The following CACNA1B variants were observed in gnomAD, a reference collection of about 807,000 sequenced individuals.
CACNA1B encodes calcium voltage-gated channel subunit alpha1 B.
A neutral mutation model predicts 247.2 loss-of-function variants in CACNA1B; 70 were observed. That is an observed-to-expected ratio of 0.28 (90% CI 0.23 to 0.35). The LOEUF is 0.35. Among genes scored for constraint, CACNA1B ranks in the 10% least tolerant of loss-of-function variants. The pLI, the probability that CACNA1B is intolerant of heterozygous loss-of-function variation, is 1.00. For synonymous variants in CACNA1B, 1,231 were observed against 1,294.4 expected, an observed-to-expected ratio of 0.95 and a Z score of 1.05; for missense variants, 2,367 against 3,197.4, an observed-to-expected ratio of 0.74 and a Z score of 6.26.
chr9:138,089,357 G>T (rs995767328), intron 36 of CACNA1B, among the ~76,000 whole-genome samples: 2 of 152,136 alleles, frequency 1.3e-5, no homozygotes, highest in Non-Finnish European at 2.9e-5. Flanking sequence ...TGTAAGGATG[G>T]TTCAACATAA....
At chr9:137,904,699 G>T (rs1333205023) in intron 3 of CACNA1B, among the ~76,000 whole-genome samples, 1 of 152,026 alleles carries the variant, frequency 6.6e-6, no homozygotes, top group Non-Finnish European at 1.5e-5. Flanking sequence ...GTCCCCTCAA[G>T]AATTTGCTAA....
chr9:138,032,123 CT>C (rs1958994563), intron 20 of CACNA1B, among the ~76,000 whole-genome samples: 1 of 151,372 alleles, frequency 6.6e-6, no homozygotes, highest in South Asian at 2.1e-4. Context: ...TTTAGAATTC[CT>C]TTTATCTGTA....
intron 12 of CACNA1B, among the ~76,000 whole-genome samples, chr9:137,980,424 C>T (rs1300615262): frequency 6.6e-6 from 1 of 152,232 alleles, no homozygotes; most frequent in Non-Finnish European, 1.5e-5. Flanking sequence ...TGCTCTGAGG[C>T]ACCACCTTTG....
rs1187148082 is a variant in CACNA1B, at chr9:138,057,064, T to C, written c.3969-668T>C. Among the ~76,000 whole-genome samples, 1 of 150,624 alleles carries C rather than the reference T, an allele frequency of 6.6e-6. No individual in the cohort carries two copies. Among genetic ancestry groups the C allele is most frequent in the African/African-American group, 2.5e-5 (1 of 40,732 alleles). ...CATTCTCCTGCCTCAGCCTCCCGAGTAGCTGGGACTATAGGCGCCCGCCAC... is the reference window on the plus strand; with the variant it reads ...CATTCTCCTGCCTCAGCCTCCCGAGCAGCTGGGACTATAGGCGCCCGCCAC... On this transcript the variant is annotated intron_variant, in intron 26 of 46. Coordinates refer to ENST00000371372, the MANE Select transcript of CACNA1B (RefSeq NM_000718.4). This position sits in a 1 kb window ranked among gnomAD's most constrained non-coding sequence, Gnocchi z 4.0.
Position 138,075,833 on chromosome 9 carries a change from T to C in CACNA1B, c.4872T>C (p.Ile1624=). The C allele has an allele frequency of 6.2e-7, 1 of 1,608,790 alleles. No individual in the cohort carries two copies. Residue 1624 remains isoleucine (I), a synonymous_variant, in exon 35 of 47, where the codon ATT becomes ATC. Transcript: ENST00000371372. ...AIIGMQVFGN[I]ALDDDTSINR... is the part of the protein sequence containing the mutation. ...CTCCATTGCAGGTGTTTGGGAATAT[T>C]GCCCTGGATGATGACACCAGCATCA... is the stretch of plus-strand genomic sequence containing the variant.
chr9:138,057,614 A>C lies in CACNA1B; in HGVS notation c.3969-118A>C. ...CTGCATGTGGACATCCAGTTTTCCC[A>C]GCACAGTCTGTTGGAGAGGCCATTC... is the stretch of plus-strand genomic sequence containing the variant. On this transcript the variant is annotated intron_variant, in intron 26 of 46. Transcript: ENST00000371372. This position sits in a 1 kb window ranked among gnomAD's most constrained non-coding sequence, Gnocchi z 4.0. 1 of 952,820 alleles carries C rather than the reference A, an allele frequency of 1.0e-6. No individual in the cohort carries two copies. The highest frequency in any genetic ancestry group is 1.5e-6 in the Non-Finnish European group (1 of 645,626). 59.0% of individuals were successfully genotyped at this position (952,820 alleles called of 1,614,324 possible).
intron 38 of CACNA1B, among the ~76,000 whole-genome samples, chr9:138,104,446 T>C (rs1437253596): frequency 6.6e-6 from 1 of 152,240 alleles, no homozygotes; most frequent in East Asian, 1.9e-4. Context: ...CATGCTGGTC[T>C]GCAGGGATGC....
At chr9:137,935,751 C>T (rs986848206) in intron 6 of CACNA1B, among the ~76,000 whole-genome samples, 4 of 152,172 alleles carry the variant, frequency 2.6e-5, no homozygotes, top group African/African-American at 9.6e-5. Context: ...GCTCCACATC[C>T]TCTCCAGCAC....
At position 137,914,639 on chromosome 9, in the gene CACNA1B, C is replaced by G; in HGVS notation, c.623-15C>G. On this transcript the variant is annotated splice_polypyrimidine_tract_variant and intron_variant, in intron 4 of 46. Coordinates refer to ENST00000371372, the MANE Select transcript of CACNA1B (RefSeq NM_000718.4). This position sits in a 1 kb window ranked among gnomAD's most constrained non-coding sequence, Gnocchi z 4.3. ...TGCCCACGTTGCTTCCTGACCTGCC[C>G]TGTTCTGGCCCCAGGTTTGCAGGTG... 1 of 1,612,786 alleles carries G rather than the reference C, an allele frequency of 6.2e-7. No individual in the cohort carries two copies. The highest frequency in any genetic ancestry group is 8.5e-7 in the Non-Finnish European group (1 of 1,179,226).
Position 137,965,063 on chromosome 9 carries a change from A to G in CACNA1B, c.1334-6320A>G, listed in dbSNP as rs922650783. On this transcript the variant is annotated intron_variant, in intron 10 of 46. Transcript: ENST00000371372. The stretch of plus-strand genomic sequence containing the variant: ...AACAGCAAAGATGGCATCCTGCCGC[A>G]TCCTCTATAAGCTTTGTCCCAGGGG... Among the ~76,000 whole-genome samples, 28 of 152,214 alleles carry G rather than the reference A, an allele frequency of 1.8e-4. 1 individual carries two copies. Among genetic ancestry groups the G allele is most frequent in the Admixed American group, 1.7e-3 (26 of 15,284 alleles).
At chr9:138,096,342 G>A (rs1961054718) in intron 36 of CACNA1B, 142 bp from the exon 37 acceptor site, 1 of 640,296 alleles carries the variant, frequency 1.6e-6, no homozygotes, top group Admixed American at 2.5e-5. Context: ...CCCATGGGGA[G>A]AGCAGATCGG....
At chr9:137,931,472 G>A (rs747581449) in intron 6 of CACNA1B, among the ~76,000 whole-genome samples, 46 of 152,118 alleles carry the variant, frequency 3.0e-4, no homozygotes, top group Admixed American at 8.5e-4. Flanking sequence ...GATGTGGAGA[G>A]GTGGAGTTTT....
chr9:138,054,361 G>A lies in CACNA1B; in HGVS notation c.3968+355G>A, dbSNP rs1453775950. 6.6e-6 allele frequency among the ~76,000 whole-genome samples: 1 copy of A among 152,256 alleles called. No homozygotes were observed. The highest frequency in any genetic ancestry group is 2.4e-5 in the African/African-American group (1 of 41,472). On this transcript the variant is annotated intron_variant, in intron 26 of 46. Transcript: ENST00000371372. This position sits in a 1 kb window ranked among gnomAD's most constrained non-coding sequence, Gnocchi z 4.6. The stretch of plus-strand genomic sequence containing the variant: ...ATCTTGGCTGGGCTGTAAGGTCAGA[G>A]GGGCTGCCCGATGGCTGGAGCTGCT...
At chr9:138,017,292 G>A (rs1018657650) in intron 18 of CACNA1B, 9 of 478,580 alleles carry the variant, frequency 1.9e-5, no homozygotes, top group East Asian at 6.1e-5. Context: ...CTATCTCACC[G>A]CAAGTCATTT....
intron 31 of CACNA1B, among the ~76,000 whole-genome samples, chr9:138,060,884 A>G (rs1959697313): frequency 6.6e-6 from 1 of 151,852 alleles, no homozygotes; most frequent in Admixed American, 6.6e-5. Context: ...CACCCTTTCT[A>G]GAGCCCCTGA....
At chr9:138,081,127 C>T (rs562124740) in intron 36 of CACNA1B, among the ~76,000 whole-genome samples, 44 of 152,160 alleles carry the variant, frequency 2.9e-4, no homozygotes, top group Admixed American at 7.8e-4. Flanking sequence ...GGGCACAAAG[C>T]CAAACCTACT....
intron 36 of CACNA1B, among the ~76,000 whole-genome samples, chr9:138,093,873 ATAG>A (rs535645611): frequency 2.0e-3 from 306 of 152,352 alleles, no homozygotes; most frequent in Non-Finnish European, 3.6e-3. Context: ...GTTCCTCAAA[ATAG>A]TAGTAAAAGT....
At chr9:138,112,229 TC>T (rs1961664315) in intron 39 of CACNA1B, among the ~76,000 whole-genome samples, 168 bp from the exon 40 acceptor site, 1 of 152,118 alleles carries the variant, frequency 6.6e-6, no homozygotes, top group Non-Finnish European at 1.5e-5. Flanking sequence ...GTGAGCAGCT[TC>T]TGCATCAGCG....
In CACNA1B at chr9:138,102,050, C is replaced by T. The variant is rs970956207; in HGVS notation, c.5223-661C>T. Among the ~76,000 whole-genome samples the T allele has an allele frequency of 1.3e-5, 2 of 152,210 alleles. No homozygotes were observed. Among genetic ancestry groups the T allele is most frequent in the Admixed American group, 6.5e-5 (1 of 15,286 alleles). On this transcript the variant is annotated intron_variant, in intron 37 of 46. Transcript: ENST00000371372. The surrounding 1 kb of genome is among the most constrained non-coding windows in gnomAD (Gnocchi z 5.4). ...CCGCAGTCTCCCATTTCCCACCCAG[C>T]CCTGAGCCCCAGCAGCAGCCCTGCC...
Sources: allele counts gnomAD v4.1 joint callset (sites outside exome capture counted in the v4.1 genomes callset), GRCh38; gene constraint gnomAD v4.1.1; non-coding constraint Gnocchi (gnomAD v3.1); transcripts MANE v1.5; gene names NCBI Gene and HGNC (gene_info 2026-07-23, HGNC 2026-07-21).